The following PPP2R5C variants were observed in gnomAD, a reference collection of about 807,000 sequenced individuals.
The protein encoded by PPP2R5C is protein phosphatase 2 regulatory subunit B'gamma.
A neutral mutation model predicts 68.9 loss-of-function variants in PPP2R5C; 7 were observed. The observed-to-expected ratio is 0.10, with a 90% CI of 0.06 to 0.19. PPP2R5C has a LOEUF of 0.19. PPP2R5C is among the 10% of genes least tolerant of loss of function. PPP2R5C has a pLI of 1.00. For synonymous variants in PPP2R5C, 210 were observed against 222.2 expected (o/e 0.95, Z 0.49); for missense variants, 348 against 641.3 (o/e 0.54, Z 4.94).
chr14:101,815,266 T>C (rs1048886903), intron 1 of PPP2R5C, among the ~76,000 whole-genome samples: 2 of 152,186 alleles, frequency 1.3e-5, no homozygotes, highest in African/African-American at 4.8e-5. Context: ...TGTTCTTTGC[T>C]CTGCAGACAT....
At chr14:101,799,594 G>A (rs571670576) in intron 3 of PPP2R5C, among the ~76,000 whole-genome samples, 5 of 152,260 alleles carry the variant, frequency 3.3e-5, no homozygotes, top group African/African-American at 1.2e-4. Context: ...CTTCTGGGTT[G>A]CATTTACTTA....
rs2043978008 is a variant in PPP2R5C at position 101,879,030 on chromosome 14, G to A, written c.295-3131G>A. Among the ~76,000 whole-genome samples, 1 of 152,230 alleles carries A rather than the reference G, an allele frequency of 6.6e-6. No homozygotes were observed. Among genetic ancestry groups the A allele is most frequent in the African/African-American group, 2.4e-5 (1 of 41,460 alleles). ...AACTTCTTAGTCATCCCTGGTCACA[G>A]AAATCCAATCTAGGTTAAAGCTTTC... is the stretch of plus-strand genomic sequence containing the variant. On this transcript the variant is annotated intron_variant, in intron 2 of 13. Coordinates refer to ENST00000334743, the Ensembl canonical transcript of PPP2R5C. This position sits in a 1 kb window ranked among gnomAD's most constrained non-coding sequence, Gnocchi z 4.2.
intron 5 of PPP2R5C, among the ~76,000 whole-genome samples, chr14:101,889,171 A>C (rs1051127154): frequency 2.6e-5 from 4 of 152,282 alleles, no homozygotes; most frequent in African/African-American, 7.2e-5. Context: ...TGTTTCAAAC[A>C]AAGTGAACGA....
intron 2 of PPP2R5C, among the ~76,000 whole-genome samples, chr14:101,768,096 T>C (rs948801034): frequency 1.3e-5 from 2 of 152,206 alleles, no homozygotes; most frequent in Non-Finnish European, 2.9e-5. Context: ...ATCCCTGGCC[T>C]TACCCCTGGA....
intron 12 of PPP2R5C, 92 bp downstream of exon 14, chr14:101,912,565 C>T (rs2046457520): frequency 7.1e-7 from 1 of 1,402,526 alleles, no homozygotes; most frequent in Non-Finnish European, 9.3e-7. Context: ...GGGGGGGTCT[C>T]GATTTCACTA....
chr14:101,786,223 T>C (rs1595161092), intron 3 of PPP2R5C, 40 bp downstream of exon 3: 1 of 1,475,466 alleles, frequency 6.8e-7, no homozygotes. Context: ...ATTGTGGCTG[T>C]TGGAGTGAAG....
intron 2 of PPP2R5C, among the ~76,000 whole-genome samples, chr14:101,778,636 C>T (rs1181835320): frequency 1.3e-5 from 2 of 152,114 alleles, no homozygotes; most frequent in Admixed American, 1.3e-4. Flanking sequence ...TCCAGTTGTC[C>T]CAGCATCATT....
intron 5 of PPP2R5C, among the ~76,000 whole-genome samples, chr14:101,885,098 A>G (rs1249552699): frequency 6.6e-6 from 1 of 152,198 alleles, no homozygotes; most frequent in Non-Finnish European, 1.5e-5. Flanking sequence ...TCTCTGTGAG[A>G]TAAGAGCATG....
At chr14:101,845,154 T>A (rs1262249644) in intron 1 of PPP2R5C, among the ~76,000 whole-genome samples, 1 of 148,384 alleles carries the variant, frequency 6.7e-6, no homozygotes, top group East Asian at 2.0e-4. Flanking sequence ...AAAAAAAAAA[T>A]TGAATCTTCC....
At chr14:101,828,721 A>T (rs1390567043) in intron 1 of PPP2R5C, among the ~76,000 whole-genome samples, 1 of 141,440 alleles carries the variant, frequency 7.1e-6, no homozygotes, top group Non-Finnish European at 1.5e-5. Flanking sequence ...TCTGCCTCCC[A>T]GGCTGGAGTA....
intron 2 of PPP2R5C, among the ~76,000 whole-genome samples, chr14:101,874,273 A>G (rs979457347): frequency 6.6e-6 from 1 of 152,248 alleles, no homozygotes. Flanking sequence ...CTAAAGCATT[A>G]CTAAACTTTC....
chr14:101,805,678 G>C (rs184224812), upstream of PPP2R5C, among the ~76,000 whole-genome samples: 286 of 152,284 alleles, frequency 1.9e-3, 1 homozygote, highest in African/African-American at 6.5e-3. Context: ...AGGGAAGAGT[G>C]AATAAACAAC....
chr14:101,761,662 G>C (rs1357338900), upstream of PPP2R5C: 1 of 187,128 alleles, frequency 5.3e-6, no homozygotes, highest in African/African-American at 2.5e-5. Flanking sequence ...GGCCGGCCGG[G>C]GGAGGGGCGG....
intron 2 of PPP2R5C, chr14:101,766,585 A>G (rs936344162): frequency 6.6e-6 from 1 of 152,242 alleles, no homozygotes; most frequent in African/African-American, 2.4e-5. Flanking sequence ...TCCTTGAATG[A>G]CATGTGTTGG....
At chr14:101,908,149 A>C (rs968340766) in intron 10 of PPP2R5C, among the ~76,000 whole-genome samples, 1 of 152,186 alleles carries the variant, frequency 6.6e-6, no homozygotes, top group Non-Finnish European at 1.5e-5. Context: ...AACAATCTTC[A>C]CTTGGTTGTG....
At chr14:101,828,421 A>G (rs2040532861) in intron 1 of PPP2R5C, among the ~76,000 whole-genome samples, 1 of 152,148 alleles carries the variant, frequency 6.6e-6, no homozygotes, top group Admixed American at 6.5e-5. Flanking sequence ...TGAAAAGCCC[A>G]TTTTATTCAG....
At chr14:101,867,300 G>C (rs577015406) in intron 2 of PPP2R5C, among the ~76,000 whole-genome samples, 1 of 151,882 alleles carries the variant, frequency 6.6e-6, no homozygotes, top group South Asian at 2.1e-4. Context: ...CTAGCTACTC[G>C]GTCGGGGCTG....
chr14:101,869,506 C>T (rs978807211), intron 2 of PPP2R5C, among the ~76,000 whole-genome samples: 4 of 152,152 alleles, frequency 2.6e-5, no homozygotes, highest in Non-Finnish European at 2.9e-5. Flanking sequence ...ACTGCCAAAC[C>T]GTTTTCCAAA....
At chr14:101,790,494 A>G (rs929356627) in intron 3 of PPP2R5C, among the ~76,000 whole-genome samples, 6 of 152,234 alleles carry the variant, frequency 3.9e-5, no homozygotes, top group Admixed American at 3.9e-4. Context: ...CGGACACTTC[A>G]TATAAGCGAA....
Sources: allele counts gnomAD v4.1 joint callset (sites outside exome capture counted in the v4.1 genomes callset), GRCh38; gene constraint gnomAD v4.1.1; non-coding constraint Gnocchi (gnomAD v3.1); transcripts MANE v1.5; gene names NCBI Gene and HGNC (gene_info 2026-07-23, HGNC 2026-07-21).